EDNRB: variants seen among roughly 807,000 people sequenced by gnomAD.
The protein encoded by EDNRB is endothelin receptor type B.
Under a neutral mutation model 46.4 loss-of-function variants are expected in EDNRB, and 18 were observed. The observed-to-expected ratio is 0.39, with a 90% CI of 0.27 to 0.57. The LOEUF (loss-of-function observed/expected upper bound fraction) is 0.57, where lower values mean the gene tolerates loss of function less well. Among genes scored for constraint, EDNRB ranks in the 20% least tolerant of loss-of-function variants. EDNRB has a pLI of 0.61. For missense variants in EDNRB, 434 were observed against 537.5 expected, an observed-to-expected ratio of 0.81 and a Z score of 1.90; for synonymous variants, 213 against 204.9, an observed-to-expected ratio of 1.04 and a Z score of -0.34.
At chr13:77,956,571 A>G (rs1881247791) in intron 1 of EDNRB, among the ~76,000 whole-genome samples, 1 of 152,182 alleles carries the variant, frequency 6.6e-6, no homozygotes, top group African/African-American at 2.4e-5. Context: ...CTTGCCTTGT[A>G]TTAGCTTTTT....
intron 1 of EDNRB, among the ~76,000 whole-genome samples, chr13:77,915,024 A>G (rs896441169): frequency 2.3e-4 from 35 of 152,156 alleles, no homozygotes; most frequent in African/African-American, 8.4e-4. Flanking sequence ...AAACCCCACC[A>G]AAAAAATTAG....
At chr13:77,970,014 T>C (rs189175316) in intron 1 of EDNRB, among the ~76,000 whole-genome samples, 34 of 152,330 alleles carry the variant, frequency 2.2e-4, no homozygotes, top group Non-Finnish European at 4.1e-4. Flanking sequence ...TCTTTAACAT[T>C]CCCACTTGCC....
At chr13:77,900,121 CTCTG>C (rs1878868582) in intron 5 of EDNRB, among the ~76,000 whole-genome samples, 154 bp from the exon 6 acceptor site, 1 of 151,950 alleles carries the variant, frequency 6.6e-6, no homozygotes, top group African/African-American at 2.4e-5. Flanking sequence ...CTCTGCCTGT[CTCTG>C]TCTGTGTCCC....
intron 1 of EDNRB, among the ~76,000 whole-genome samples, chr13:77,953,161 T>C (rs1881139650): frequency 6.6e-6 from 1 of 152,150 alleles, no homozygotes; most frequent in South Asian, 2.1e-4. Context: ...AAAGGTAGCA[T>C]TTACCAAACT....
chr13:77,912,734 C>T (rs1179436425), intron 1 of EDNRB, among the ~76,000 whole-genome samples: 4 of 152,060 alleles, frequency 2.6e-5, no homozygotes, highest in Non-Finnish European at 4.4e-5. Flanking sequence ...ACTTTAAATG[C>T]ACTTAATTGG....
At chr13:77,902,549 T>A (rs1879049377) in intron 3 of EDNRB, among the ~76,000 whole-genome samples, 1 of 151,906 alleles carries the variant, frequency 6.6e-6, no homozygotes, top group African/African-American at 2.4e-5. Flanking sequence ...CTGACCTTAG[T>A]CATCCTTAGC....
At chr13:77,910,375 C>T (rs1175173705) in intron 1 of EDNRB, among the ~76,000 whole-genome samples, 2 of 151,908 alleles carry the variant, frequency 1.3e-5, no homozygotes, top group African/African-American at 4.8e-5. Flanking sequence ...CTGTTTTTGT[C>T]TCTGTTTCCT....
At chr13:77,920,301 G>C (rs1312745687), upstream of EDNRB, among the ~76,000 whole-genome samples, 3 of 152,130 alleles carry the variant, frequency 2.0e-5, no homozygotes, top group Non-Finnish European at 4.4e-5. Flanking sequence ...TGAGCTCCAT[G>C]TTTACCGCAG....
chr13:77,898,042 C>G lies in EDNRB; in HGVS notation c.*158G>C, dbSNP rs1173807594. ...ATGCCGTAAACAGCTCATAAAATGT[C>G]ATATGTAGCTGTGAGTGTTAAAATA... On this transcript the variant is annotated 3_prime_UTR_variant, in exon 7 of 7. Transcript: ENST00000646607. 3 of 1,434,462 alleles carry G rather than the reference C, an allele frequency of 2.1e-6. No individual in the cohort carries two copies. In the African/African-American group the frequency reaches 4.3e-5, roughly 21 times the overall value. The allele number at this position is 1,434,462 out of a possible 1,614,324, so 88.9% of individuals were successfully genotyped here.
intron 1 of EDNRB, among the ~76,000 whole-genome samples, chr13:77,916,434 A>G (rs1319163540): frequency 6.6e-6 from 1 of 152,202 alleles, no homozygotes; most frequent in Admixed American, 6.5e-5. Flanking sequence ...TTCAGCTCTT[A>G]CCAAGTAAAT....
At position 77,896,079 on chromosome 13, in the gene EDNRB, A is replaced by C. The variant is rs1433193919; in HGVS notation, c.*2121T>G. ...TTGTTTCTTACTTATCAGTATGTTA[A>C]AGTTTTGAATCAAACATTTTTTTAA... On this transcript the variant is annotated 3_prime_UTR_variant, in exon 7 of 7. Coordinates refer to ENST00000646607, the MANE Select transcript of EDNRB (RefSeq NM_001122659.3). The C allele has an allele frequency of 1.3e-5, 2 of 154,056 alleles. No homozygotes were observed. The highest frequency in any genetic ancestry group is 1.9e-4 in the East Asian group (1 of 5,304). The allele number at this position is 154,056 out of a possible 1,614,324, so 9.5% of individuals were successfully genotyped here.
intron 1 of EDNRB, among the ~76,000 whole-genome samples, chr13:77,975,163 A>G (rs751380252): frequency 6.6e-6 from 1 of 152,224 alleles, no homozygotes; most frequent in Admixed American, 6.5e-5. Flanking sequence ...CAGGCACACC[A>G]TCGGTGATCA....
chr13:77,910,480 T>C (rs559353285), intron 1 of EDNRB, among the ~76,000 whole-genome samples: 2 of 152,104 alleles, frequency 1.3e-5, no homozygotes, highest in Admixed American at 1.3e-4. Context: ...CTTTCTGTAT[T>C]AATACACAAA....
At chr13:77,901,367 C>T (rs907751892) in intron 3 of EDNRB, among the ~76,000 whole-genome samples, 160 bp from the exon 4 acceptor site, 3 of 151,868 alleles carry the variant, frequency 2.0e-5, no homozygotes, top group Non-Finnish European at 4.4e-5. Flanking sequence ...ACTTACTGAA[C>T]AAATAAATAG....
At chr13:77,936,309 A>C (rs1880562868) in intron 1 of EDNRB, among the ~76,000 whole-genome samples, 1 of 152,072 alleles carries the variant, frequency 6.6e-6, no homozygotes, top group Non-Finnish European at 1.5e-5. Context: ...CTAATAAGGG[A>C]ACTGGGCAGG....
intron 1 of EDNRB, among the ~76,000 whole-genome samples, chr13:77,945,322 T>C (rs763954438): frequency 1.3e-5 from 2 of 152,190 alleles, no homozygotes; most frequent in Non-Finnish European, 2.9e-5. Flanking sequence ...TCTTTTTGAT[T>C]GAACAAATAA....
intron 1 of EDNRB, among the ~76,000 whole-genome samples, chr13:77,908,021 C>CAAAA (rs1215042889): frequency 7.3e-5 from 4 of 55,102 alleles, no homozygotes; most frequent in Non-Finnish European, 1.4e-4. Context: ...AAAGAGACTG[C>CAAAA]AAAAAAAAAA....
chr13:77,898,303 T>C lies in EDNRB; in HGVS notation c.1226A>G (p.Glu409Gly). Reference sequence around the variant, plus strand: ...CTTTTCCTCCAAGGACTGTTTTTCTTCAAATGACTGGCACCAGCAGCATAA... The same window carrying C: ...CTTTTCCTCCAAGGACTGTTTTTCTCCAAATGACTGGCACCAGCAGCATAA... ...SCLCCWCQSF[E>G]EKQSLEEKQS... Residue 409 changes from glutamate to glycine, a missense_variant, in exon 7 of 7, where the codon GAA (glutamate) becomes GGA (glycine). Physicochemically the swap from Glu to Gly is moderately conservative, Grantham distance 98 (BLOSUM62 -2). Coordinates refer to ENST00000646607, the MANE Select transcript of EDNRB (RefSeq NM_001122659.3). The C allele has an allele frequency of 1.2e-6, 2 of 1,612,198 alleles. No homozygotes were observed. Among genetic ancestry groups the C allele is most frequent in the South Asian group, 2.2e-5 (2 of 91,046 alleles).
At chr13:77,966,886 A>G (rs1002520403) in intron 1 of EDNRB, among the ~76,000 whole-genome samples, 1 of 152,208 alleles carries the variant, frequency 6.6e-6, no homozygotes, top group African/African-American at 2.4e-5. Context: ...AATAGTTTGA[A>G]TCCCTAAAGG....
Sources: allele counts gnomAD v4.1 joint callset (sites outside exome capture counted in the v4.1 genomes callset), GRCh38; gene constraint gnomAD v4.1.1; transcripts MANE v1.5; gene names NCBI Gene and HGNC (gene_info 2026-07-23, HGNC 2026-07-21).